ALK: variants seen among roughly 807,000 people sequenced by gnomAD.
ALK encodes the protein ALK tyrosine kinase receptor.
ALK carries 74 observed loss-of-function variants against 163.1 expected under a neutral mutation model. The ratio of observed to expected loss-of-function variants is 0.45; its 90% confidence interval spans 0.38 to 0.55. The LOEUF is 0.55. Among genes scored for constraint, ALK ranks in the 20% least tolerant of loss-of-function variants. The pLI is 0.00. For missense variants in ALK, 2,063 were observed against 2,105.3 expected (o/e 0.98, Z 0.39); for synonymous variants, 960 against 843.2 (o/e 1.14, Z -2.40).
rs1032146732 is a variant in ALK at position 29,409,878 on chromosome 2, C to G, written c.1155-26019G>C. ...ACCCCATTACCCATTTCTGTCTTCTCTGATTGCCTGCACTCTGTGTGCCCT... is the reference window on the plus strand; with the variant it reads ...ACCCCATTACCCATTTCTGTCTTCTGTGATTGCCTGCACTCTGTGTGCCCT... On this transcript the variant is annotated intron_variant, in intron 4 of 28. Transcript: ENST00000389048. 3.3e-5 allele frequency among the ~76,000 whole-genome samples: 5 copies of G among 152,286 alleles called. No individual in the cohort carries two copies. In the South Asian group the frequency reaches 8.3e-4, roughly 25 times the overall value.
At chr2:29,239,937 G>T in intron 12 of ALK, 107 bp from the exon 13 acceptor site, 3 of 1,342,658 alleles carry the variant, frequency 2.2e-6, no homozygotes, top group Non-Finnish European at 3.0e-6. Flanking sequence ...ATCGTGGTCT[G>T]AGGGTTCTCC....
intron 8 of ALK, among the ~76,000 whole-genome samples, chr2:29,316,537 T>C (rs1023212850): frequency 6.6e-6 from 1 of 152,212 alleles, no homozygotes; most frequent in African/African-American, 2.4e-5. Flanking sequence ...ACCTTGACAT[T>C]TCTTTTTCTG....
intron 1 of ALK, among the ~76,000 whole-genome samples, chr2:29,880,510 T>C (rs1002009982): frequency 2.6e-5 from 4 of 152,278 alleles, no homozygotes; most frequent in Admixed American, 2.0e-4. Context: ...TTAAAAGCCA[T>C]TGACTTAGTG....
chr2:29,338,422 T>C (rs1042015361), intron 5 of ALK, among the ~76,000 whole-genome samples: 1 of 152,230 alleles, frequency 6.6e-6, no homozygotes, highest in Non-Finnish European at 1.5e-5. Flanking sequence ...CTCTGCCATG[T>C]CCCTTCACAT....
At chr2:29,533,377 C>A (rs1469567818) in intron 3 of ALK, among the ~76,000 whole-genome samples, 1 of 152,208 alleles carries the variant, frequency 6.6e-6, no homozygotes, top group African/African-American at 2.4e-5. Context: ...ATTCAGTCCT[C>A]TTGCTTTCCT....
chr2:29,661,514 TTGAACTC>T (rs375260883), intron 3 of ALK, among the ~76,000 whole-genome samples: 69 of 152,332 alleles, frequency 4.5e-4, no homozygotes, highest in African/African-American at 1.6e-3. Flanking sequence ...TGCAATCACT[TTGAACTC>T]TAACAAGAAA....
intron 28 of ALK, among the ~76,000 whole-genome samples, chr2:29,195,874 T>G (rs1235040150): frequency 6.6e-6 from 1 of 152,166 alleles, no homozygotes; most frequent in Non-Finnish European, 1.5e-5. Flanking sequence ...AACAAAGCCC[T>G]GAGCAGGCGA....
At chr2:29,705,444 T>C (rs959391769) in intron 2 of ALK, among the ~76,000 whole-genome samples, 8 of 151,400 alleles carry the variant, frequency 5.3e-5, no homozygotes, top group African/African-American at 1.7e-4. Context: ...ACCAGGAACC[T>C]GGGGATGAAC....
chr2:29,847,720 T>C (rs1311470796), intron 1 of ALK, among the ~76,000 whole-genome samples: 1 of 150,496 alleles, frequency 6.6e-6, no homozygotes, highest in Non-Finnish European at 1.5e-5. Context: ...TTCATTCGTT[T>C]ATAAACTTTA....
intron 1 of ALK, among the ~76,000 whole-genome samples, chr2:29,887,700 G>C (rs868419465): frequency 6.6e-6 from 1 of 152,110 alleles, no homozygotes; most frequent in Non-Finnish European, 1.5e-5. Flanking sequence ...TGCCAGTATG[G>C]ACATTTTAAA....
intron 1 of ALK, among the ~76,000 whole-genome samples, chr2:29,913,134 G>GA (rs1048472471): frequency 5.2e-4 from 76 of 146,902 alleles, no homozygotes; most frequent in African/African-American, 1.1e-3. Flanking sequence ...TAAGGTGCAA[G>GA]AAAAAAAAAA....
At chr2:29,477,497 A>G (rs1319055151) in intron 4 of ALK, among the ~76,000 whole-genome samples, 1 of 152,224 alleles carries the variant, frequency 6.6e-6, no homozygotes, top group Non-Finnish European at 1.5e-5. Context: ...TAAGCAAGTC[A>G]GGAAGTCCCC....
chr2:29,228,935 C>CCCCAACCCCCCGG lies in ALK; in HGVS notation c.2763_2764insCCGGGGGGTTGGG (p.Gly922ProfsTer30). ...GAGGAGCACCCCCCTCCACCCCCTC[C>CCCCAACCCCCCGG]GAAACCCCCTCTTGTCTCCCACCCC... is the stretch of plus-strand genomic sequence containing the variant. On this transcript the variant is annotated frameshift_variant, in exon 16 of 29. Coordinates refer to ENST00000389048, the MANE Select transcript of ALK (RefSeq NM_004304.5). LOFTEE classifies it high-confidence loss of function. 1 of 1,468,858 alleles carries CCCCAACCCCCCGG rather than the reference C, an allele frequency of 6.8e-7. No individual in the cohort carries two copies. The highest frequency in any genetic ancestry group is 9.4e-7 in the Non-Finnish European group (1 of 1,067,856). 91.0% of individuals were successfully genotyped at this position (1,468,858 alleles called of 1,614,324 possible).
At chr2:29,442,940 C>T (rs1290844458) in intron 4 of ALK, among the ~76,000 whole-genome samples, 1 of 152,156 alleles carries the variant, frequency 6.6e-6, no homozygotes, top group Non-Finnish European at 1.5e-5. Context: ...GTGACTCTAC[C>T]ACTGGGTAAG....
At chr2:29,213,451 A>G (rs1669515343) in intron 24 of ALK, among the ~76,000 whole-genome samples, 1 of 152,216 alleles carries the variant, frequency 6.6e-6, no homozygotes, top group South Asian at 2.1e-4. Flanking sequence ...ATCCTTGCCT[A>G]TAAGCCACCC....
rs565094891 is a variant in ALK at position 29,428,305 on chromosome 2, A to C, written c.1155-44446T>G. On this transcript the variant is annotated intron_variant, in intron 4 of 28. Coordinates refer to ENST00000389048, the MANE Select transcript of ALK (RefSeq NM_004304.5). ...ATAAAACAGAGAATAGAAAAAATAG[A>C]GAAAATCAATAAAACTTAAATTTGT... 7.9e-5 allele frequency among the ~76,000 whole-genome samples: 12 copies of C among 152,168 alleles called. No homozygotes were observed. The East Asian group carries it at 2.1e-3, about 27-fold the overall frequency.
At chr2:29,248,909 C>T (rs1029763321) in intron 12 of ALK, among the ~76,000 whole-genome samples, 2 of 152,198 alleles carry the variant, frequency 1.3e-5, no homozygotes, top group South Asian at 4.1e-4. Flanking sequence ...CAGAAACTAC[C>T]GCGTATGGGG....
At chr2:29,291,937 G>A (rs958774124) in intron 9 of ALK, among the ~76,000 whole-genome samples, 7 of 152,154 alleles carry the variant, frequency 4.6e-5, no homozygotes, top group African/African-American at 1.2e-4. Flanking sequence ...GAATTCTGTC[G>A]GTGATAAAAA....
chr2:29,849,924 C>T (rs941366099), intron 1 of ALK, among the ~76,000 whole-genome samples: 1 of 152,150 alleles, frequency 6.6e-6, no homozygotes, highest in African/African-American at 2.4e-5. Context: ...TATTTGTTTC[C>T]ATTGTCAAAC....
Sources: allele counts gnomAD v4.1 joint callset (sites outside exome capture counted in the v4.1 genomes callset), GRCh38; gene constraint gnomAD v4.1.1; transcripts MANE v1.5; gene names NCBI Gene and HGNC (gene_info 2026-07-23, HGNC 2026-07-21).